IQSEC3: variants seen among roughly 807,000 people sequenced by gnomAD.
IQSEC3 encodes IQ motif and SEC7 domain-containing protein 3.
Under a neutral mutation model 105.4 loss-of-function variants are expected in IQSEC3, and 50 were observed. The observed-to-expected ratio is 0.47, with a 90% CI of 0.38 to 0.60. The LOEUF (loss-of-function observed/expected upper bound fraction) is 0.60, where lower values mean the gene tolerates loss of function less well. Ranked by LOEUF, IQSEC3 falls within the 20% of genes least tolerant of loss-of-function variation. IQSEC3 has a pLI of 0.00. For synonymous variants in IQSEC3, 708 were observed against 746.0 expected, an observed-to-expected ratio of 0.95 and a Z score of 0.83; for missense variants, 1,415 against 1,630.0, an observed-to-expected ratio of 0.87 and a Z score of 2.27.
chr12:162,879 G>A (rs572381033), intron 8 of IQSEC3, among the ~76,000 whole-genome samples: 2 of 152,222 alleles, frequency 1.3e-5, no homozygotes, highest in East Asian at 1.9e-4. Flanking sequence ...CCTGGGGCAG[G>A]GGATGCCCTC....
chr12:175,166 C>A lies in IQSEC3; in HGVS notation c.*133C>A. ...CACCATCATTTTGGGAAGAGAATCC[C>A]AATCCCTGGCACCTGGGTTTGCCTC... On this transcript the variant is annotated 3_prime_UTR_variant, in exon 14 of 14. Transcript: ENST00000538872. 2.7e-6 allele frequency: 2 copies of A among 728,844 alleles called. No homozygotes were observed. Among genetic ancestry groups the A allele is most frequent in the Non-Finnish European group, 4.3e-6 (2 of 463,932 alleles). The allele number at this position is 728,844 out of a possible 1,614,324, so 45.1% of individuals were successfully genotyped here.
chr12:128,350 T>C (rs572397726), intron 3 of IQSEC3, among the ~76,000 whole-genome samples: 2 of 152,272 alleles, frequency 1.3e-5, no homozygotes, highest in South Asian at 4.1e-4. Context: ...GCTGGAAGGA[T>C]AAGAGACGGG....
At chr12:145,849 G>C (rs1866243059) in intron 5 of IQSEC3, among the ~76,000 whole-genome samples, 1 of 152,252 alleles carries the variant, frequency 6.6e-6, no homozygotes, top group African/African-American at 2.4e-5. Context: ...GCTGTGAGCG[G>C]CCTCTTTCTG....
At chr12:89,757 T>G (rs1169409827) in intron 1 of IQSEC3, among the ~76,000 whole-genome samples, 1 of 152,260 alleles carries the variant, frequency 6.6e-6, no homozygotes, top group Middle Eastern at 3.2e-3. Flanking sequence ...TCATCCATGT[T>G]GGCTGATGTA....
intron 3 of IQSEC3, among the ~76,000 whole-genome samples, chr12:131,145 GAA>G (rs1555084995): frequency 1.3e-5 from 2 of 151,076 alleles, no homozygotes; most frequent in Non-Finnish European, 2.9e-5. Flanking sequence ...ACAGCAACCT[GAA>G]AGAAGGGGGC....
In IQSEC3 at chr12:119,580, C is replaced by T. The variant is rs542078878; in HGVS notation, c.624-6053C>T. Among the ~76,000 whole-genome samples the T allele has an allele frequency of 3.3e-5, 5 of 152,260 alleles. No homozygotes were observed. In the South Asian group the frequency reaches 1.0e-3, roughly 32 times the overall value. On this transcript the variant is annotated intron_variant, in intron 2 of 13. Coordinates refer to ENST00000538872, the MANE Select transcript of IQSEC3 (RefSeq NM_001170738.2). The stretch of plus-strand genomic sequence containing the variant: ...GGGATTCAGTTCTTGAGGAAGCAGA[C>T]TCGAGTTCAGAATGTTGACTTTTTA...
chr12:137,832 T>TA (rs1555086876), intron 3 of IQSEC3, among the ~76,000 whole-genome samples: 1 of 151,428 alleles, frequency 6.6e-6, no homozygotes, highest in Non-Finnish European at 1.5e-5. Flanking sequence ...TTAATTTTTT[T>TA]TTTTTTTTCA....
In IQSEC3 at chr12:149,058, C is replaced by T. The variant is rs1448165554; in HGVS notation, c.2153+7773C>T. 2.0e-5 allele frequency: 3 copies of T among 152,176 alleles called. 1 individual carries two copies. Among genetic ancestry groups the T allele is most frequent in the Non-Finnish European group, 4.4e-5 (3 of 68,046 alleles). The allele number at this position is 152,176 out of a possible 1,614,324, so 9.4% of individuals were successfully genotyped here. A position where few individuals can be genotyped will look rare whatever the true frequency, so the allele number is the denominator to read the frequency against. On this transcript the variant is annotated intron_variant, in intron 5 of 13. Coordinates refer to ENST00000538872, the MANE Select transcript of IQSEC3 (RefSeq NM_001170738.2). ...CCACGCACAGATCAATGTTAACAAG[C>T]AATTTTATGCAAGATTGTACCTGTT...
chr12:67,725 A>T (rs1242256751), intron 1 of IQSEC3, among the ~76,000 whole-genome samples: 3 of 142,300 alleles, frequency 2.1e-5, no homozygotes, highest in Non-Finnish European at 4.4e-5. Flanking sequence ...AACTGACAGC[A>T]TTTAAACGGG....
rs1228679355 is a variant in IQSEC3 at position 73,095 on chromosome 12, TAAAA to T, written c.554+5662_554+5665del. ...ATAAATAAATAAATAAATAAATAAA[TAAAA>T]AAGGGAATCAGGAGTAAGGCAAGGG... On this transcript the variant is annotated intron_variant, in intron 1 of 13. Transcript: ENST00000538872. Among the ~76,000 whole-genome samples, 442 of 142,786 alleles carry T rather than the reference TAAAA, an allele frequency of 3.1e-3. 1 individual carries two copies. Among genetic ancestry groups the T allele is most frequent in the African/African-American group, 0.011 (377 of 35,896 alleles). The allele number at this position is 142,786 out of a possible 152,430, so 93.7% of individuals were successfully genotyped here.
intron 3 of IQSEC3, among the ~76,000 whole-genome samples, chr12:134,114 G>A (rs1865681878): frequency 6.6e-6 from 1 of 152,236 alleles, no homozygotes; most frequent in African/African-American, 2.4e-5. Context: ...ACACAAAGGA[G>A]GCAGGAGCGG....
chr12:106,156 A>G (rs1864641828), intron 2 of IQSEC3, among the ~76,000 whole-genome samples: 1 of 152,198 alleles, frequency 6.6e-6, no homozygotes. Flanking sequence ...TATTATTCCC[A>G]TTTTACAGAC....
intron 2 of IQSEC3, among the ~76,000 whole-genome samples, chr12:113,982 G>T (rs1166449317): frequency 1.3e-5 from 2 of 152,226 alleles, no homozygotes; most frequent in African/African-American, 2.4e-5. Flanking sequence ...TCAGGTCCTG[G>T]CTTGGCCACT....
Position 157,091 on chromosome 12 carries a change from A to G in IQSEC3, c.2220A>G (p.Ala740=), listed in dbSNP as rs2137039511. 1 of 1,605,104 alleles carries G rather than the reference A, an allele frequency of 6.2e-7. No homozygotes were observed. The highest frequency in any genetic ancestry group is 8.5e-7 in the Non-Finnish European group (1 of 1,175,722). The change falls in exon 6 of 14, where the codon GCA becomes GCG. Residue 740 remains alanine, a synonymous_variant. Coordinates refer to ENST00000538872, the MANE Select transcript of IQSEC3 (RefSeq NM_001170738.2). ...ACGAGGCCCTGCGCAAGTTCCAGGC[A>G]CACATCCGTGTGCAGGGGGAGGCTC... ...ELDEALRKFQ[A]HIRVQGEAQK... is the part of the protein sequence containing the mutation.
At chr12:154,266 T>C (rs1393097447) in intron 5 of IQSEC3, among the ~76,000 whole-genome samples, 1 of 151,296 alleles carries the variant, frequency 6.6e-6, no homozygotes, top group Non-Finnish European at 1.5e-5. Context: ...GGCTGGAAAC[T>C]AGGCCATCGT....
At chr12:108,530 G>C (rs1305959139) in intron 2 of IQSEC3, among the ~76,000 whole-genome samples, 2 of 152,178 alleles carry the variant, frequency 1.3e-5, no homozygotes, top group African/African-American at 4.8e-5. Flanking sequence ...TCGAGTAGTG[G>C]AATTTCTTTA....
intron 5 of IQSEC3, among the ~76,000 whole-genome samples, chr12:154,969 A>T (rs893750223): frequency 6.6e-6 from 1 of 151,816 alleles, no homozygotes; most frequent in African/African-American, 2.4e-5. Flanking sequence ...CTGCGTGACC[A>T]TGCTGGTTCA....
intron 1 of IQSEC3, among the ~76,000 whole-genome samples, chr12:74,387 T>C (rs1480998523): frequency 1.3e-5 from 2 of 152,374 alleles, no homozygotes; most frequent in East Asian, 3.9e-4. Context: ...AAAGAAAAGA[T>C]GGTGGCCTTC....
intron 2 of IQSEC3, among the ~76,000 whole-genome samples, chr12:107,044 A>G (rs7964360): frequency 0.28 from 42,642 of 152,078 alleles, 7,036 homozygotes; most frequent in East Asian, 0.72. Flanking sequence ...GATTTCTTTT[A>G]TTATGATTAA....
Sources: gnomAD v4.1 joint callset for allele counts (sites outside exome capture counted in the v4.1 genomes callset) on GRCh38, gnomAD v4.1.1 for gene constraint, MANE v1.5 for transcripts, NCBI Gene and HGNC (gene_info 2026-07-23, HGNC 2026-07-21) for gene names.